SFSWAP: variants seen among roughly 807,000 people sequenced by gnomAD.
The protein encoded by SFSWAP is splicing factor, suppressor of white-apricot homolog.
SFSWAP carries 17 observed loss-of-function variants against 100.7 expected under a neutral mutation model. The ratio of observed to expected loss-of-function variants is 0.17; its 90% CI spans 0.12 to 0.25. SFSWAP has a LOEUF of 0.25. Among genes scored for constraint, SFSWAP ranks in the 10% least tolerant of loss-of-function variants. The pLI, the probability that SFSWAP is intolerant of heterozygous loss-of-function variation, is 1.00. For synonymous variants in SFSWAP, 504 were observed against 510.1 expected (o/e 0.99, Z 0.16); for missense variants, 1,005 against 1,262.6 (o/e 0.80, Z 3.09).
At chr12:131,777,813 G>T (rs1271954693) in intron 13 of SFSWAP, among the ~76,000 whole-genome samples, 1 of 152,146 alleles carries the variant, frequency 6.6e-6, no homozygotes, top group Non-Finnish European at 1.5e-5. Context: ...TGTTGGCTCC[G>T]GCTGTCCACA....
At chr12:131,742,161 C>T (rs1350895014) in intron 7 of SFSWAP, among the ~76,000 whole-genome samples, 2 of 152,144 alleles carry the variant, frequency 1.3e-5, no homozygotes, top group Admixed American at 1.3e-4. Flanking sequence ...GCATATGTGT[C>T]AGGCAGGGCC....
At chr12:131,740,957 C>CTTTTTTTCTTTTTTTTTTTTTTT (rs1880551690) in intron 7 of SFSWAP, among the ~76,000 whole-genome samples, 1 of 96,072 alleles carries the variant, frequency 1.0e-5, no homozygotes, top group African/African-American at 3.6e-5. Flanking sequence ...CTTTTTTTTT[C>CTTTTTTTCTTTTTTTTTTTTTTT]TTTTTTTTCT....
At chr12:131,740,808 T>G (rs971015103) in intron 7 of SFSWAP, among the ~76,000 whole-genome samples, 2 of 152,152 alleles carry the variant, frequency 1.3e-5, no homozygotes, top group East Asian at 3.9e-4. Flanking sequence ...GGTGCATGTC[T>G]TCAGCCCTGC....
chr12:131,799,083 T>C lies in SFSWAP; in HGVS notation c.2764T>C (p.Ser922Pro), dbSNP rs1885881931. ...KEAQISSAIV[S>P]SVQSKITQDL... is the part of the protein sequence containing the mutation. ...AGCCCAGATCTCTTCAGCAATCGTTTCTTCCGTGCAGAGCAAAATCACTCA... is the reference window on the plus strand; with the variant it reads ...AGCCCAGATCTCTTCAGCAATCGTTCCTTCCGTGCAGAGCAAAATCACTCA... Residue 922 changes from serine to proline, a missense_variant, in exon 17 of 18, where the codon TCT (serine) becomes CCT (proline). Ser to Pro is a moderately conservative substitution (Grantham distance 74). This residue lies in a region of SFSWAP where 295 missense variants were observed against 347.9 expected (regional missense o/e 0.85). Coordinates refer to ENST00000261674, the MANE Select transcript of SFSWAP (RefSeq NM_004592.4). 6.2e-7 allele frequency: 1 copy of C among 1,614,012 alleles called. No individual in the cohort carries two copies. Among genetic ancestry groups the C allele is most frequent in the Non-Finnish European group, 8.5e-7 (1 of 1,179,968 alleles).
intron 12 of SFSWAP, among the ~76,000 whole-genome samples, chr12:131,764,921 A>C (rs1162684811): frequency 6.6e-6 from 1 of 152,232 alleles, no homozygotes; most frequent in East Asian, 1.9e-4. Context: ...TTTCGAAGAA[A>C]CTGAGTTGGC....
intron 13 of SFSWAP, among the ~76,000 whole-genome samples, chr12:131,775,916 C>T (rs1293034143): frequency 6.6e-6 from 1 of 151,262 alleles, no homozygotes; most frequent in Admixed American, 6.6e-5. Context: ...ATAGCAAAAC[C>T]CTTTCTCTAC....
Position 131,714,543 on chromosome 12 carries a change from G to C in SFSWAP, c.389-279G>C. On this transcript the variant is annotated intron_variant, in intron 2 of 17. Transcript: ENST00000261674. The surrounding 1 kb of genome is among the most constrained non-coding windows in gnomAD (Gnocchi z 6.0). ...AAATAAAATTGATGTTCTTGTCTTT[G>C]CCGTAACAGTCTTTAATACAGTTCT... 2 of 484,646 alleles carry C rather than the reference G, an allele frequency of 4.1e-6. No homozygotes were observed. The highest frequency in any genetic ancestry group is 7.4e-6 in the Non-Finnish European group (2 of 272,064). 30.0% of individuals were successfully genotyped at this position (484,646 alleles called of 1,614,324 possible). A position where few individuals can be genotyped will look rare whatever the true frequency, so the allele number is the denominator to read the frequency against.
At chr12:131,784,847 A>G (rs1043596205) in intron 14 of SFSWAP, 10 of 381,502 alleles carry the variant, frequency 2.6e-5, no homozygotes, top group African/African-American at 8.3e-5. Context: ...AAAGAATTCT[A>G]TTACTAATAG....
rs539148550 is a variant in SFSWAP at position 131,792,371 on chromosome 12, T to C, written c.2535-4807T>C. ...TGTGTTCACAGATCAGTACTGTGTG[T>C]GCGCCCGTGTGTGTTCACAGATCAG... is the stretch of plus-strand genomic sequence containing the variant. On this transcript the variant is annotated intron_variant, in intron 15 of 17. Transcript: ENST00000261674. Among the ~76,000 whole-genome samples the C allele has an allele frequency of 3.3e-5, 5 of 150,312 alleles. No homozygotes were observed. The East Asian group carries it at 8.0e-4, about 24-fold the overall frequency.
chr12:131,728,527 A>G (rs1879204929), intron 7 of SFSWAP, 99 bp downstream of exon 7: 8 of 1,354,472 alleles, frequency 5.9e-6, no homozygotes, highest in Non-Finnish European at 8.2e-6. Flanking sequence ...TCCAAGTGTA[A>G]CAAGTATGGA....
chr12:131,754,375 GC>G lies in SFSWAP; in HGVS notation c.1335del (p.Val446TrpfsTer14). 3 of 1,565,044 alleles carry G rather than the reference GC, an allele frequency of 1.9e-6. No homozygotes were observed. Among genetic ancestry groups the G allele is most frequent in the Admixed American group, 2.0e-5 (1 of 50,550 alleles). ...CAGACTCTTCTCCTGCAGTGCACTT[GC>G]CCCCGTGGCCGCCATCATCCCCCCG... Reference protein sequence around the residue: ...TSTTTTTSALAPVAAIIPPPP... With the variant: ...TSTTTTTSALXPVAAIIPPPP... On this transcript the variant is annotated frameshift_variant, in exon 9 of 18. Coordinates refer to ENST00000261674, the MANE Select transcript of SFSWAP (RefSeq NM_004592.4). LOFTEE classifies it high-confidence loss of function.
chr12:131,783,790 TTTTA>T (rs1364550677), intron 14 of SFSWAP: 1 of 32,270 alleles, frequency 3.1e-5, no homozygotes, highest in African/African-American at 6.5e-5. Flanking sequence ...AAAAAAAACA[TTTTA>T]TATATATATA....
At chr12:131,775,907 T>C (rs918829521) in intron 13 of SFSWAP, among the ~76,000 whole-genome samples, 3 of 139,868 alleles carry the variant, frequency 2.1e-5, no homozygotes, top group Non-Finnish European at 3.1e-5. Context: ...CTGGCCAAAA[T>C]AGCAAAACCC....
intron 7 of SFSWAP, among the ~76,000 whole-genome samples, chr12:131,751,865 A>C (rs1881682105): frequency 6.6e-6 from 1 of 152,226 alleles, no homozygotes; most frequent in African/African-American, 2.4e-5. Context: ...AATGTTGCTC[A>C]GATATATCTG....
chr12:131,747,168 G>A (rs1207580733), intron 7 of SFSWAP, among the ~76,000 whole-genome samples: 5 of 150,750 alleles, frequency 3.3e-5, no homozygotes, highest in Admixed American at 6.6e-5. Context: ...TTGTACAGGT[G>A]TTGAGCGATT....
chr12:131,790,420 G>A (rs539050461), intron 15 of SFSWAP, among the ~76,000 whole-genome samples: 6 of 152,188 alleles, frequency 3.9e-5, no homozygotes, highest in South Asian at 2.1e-4. Flanking sequence ...AGATGTGGAC[G>A]TATGAGGAAT....
At chr12:131,742,220 G>A (rs1470253286) in intron 7 of SFSWAP, among the ~76,000 whole-genome samples, 1 of 152,182 alleles carries the variant, frequency 6.6e-6, no homozygotes, top group Non-Finnish European at 1.5e-5. Context: ...CCCACGGCAG[G>A]TCATTGGCAT....
At position 131,714,567 on chromosome 12, in the gene SFSWAP, C is replaced by A; in HGVS notation, c.389-255C>A. On this transcript the variant is annotated intron_variant, in intron 2 of 17. Coordinates refer to ENST00000261674, the MANE Select transcript of SFSWAP (RefSeq NM_004592.4). This position sits in a 1 kb window ranked among gnomAD's most constrained non-coding sequence, Gnocchi z 6.0. Reference sequence around the variant, plus strand: ...TGCCGTAACAGTCTTTAATACAGTTCTTAATCCCAAAATTTTCTCAGCAGG... The same window carrying A: ...TGCCGTAACAGTCTTTAATACAGTTATTAATCCCAAAATTTTCTCAGCAGG... 1 of 514,288 alleles carries A rather than the reference C, an allele frequency of 1.9e-6. No individual in the cohort carries two copies. Among genetic ancestry groups the A allele is most frequent in the Non-Finnish European group, 3.5e-6 (1 of 289,224 alleles). 31.9% of individuals were successfully genotyped at this position (514,288 alleles called of 1,614,324 possible). A position where few individuals can be genotyped will look rare whatever the true frequency, so the allele number is the denominator to read the frequency against.
chr12:131,789,595 G>C (rs1417283693), intron 15 of SFSWAP, among the ~76,000 whole-genome samples: 2 of 152,110 alleles, frequency 1.3e-5, no homozygotes, highest in Admixed American at 6.6e-5. Flanking sequence ...AGTTCCACAA[G>C]AGCTGACATT....
Sources: gnomAD v4.1 joint callset for allele counts (sites outside exome capture counted in the v4.1 genomes callset) on GRCh38, gnomAD v4.1.1 for gene constraint, gnomAD v4.1.1 regional missense constraint, Gnocchi (gnomAD v3.1) non-coding constraint, MANE v1.5 for transcripts, NCBI Gene and HGNC (gene_info 2026-07-23, HGNC 2026-07-21) for gene names.